SSPN: variants seen among roughly 807,000 people sequenced by gnomAD.
SSPN encodes K-ras oncogene-associated protein.
SSPN carries 15 observed loss-of-function variants against 19.1 expected under a neutral mutation model. The observed-to-expected ratio is 0.78, with a 90% CI of 0.52 to 1.21. The LOEUF (loss-of-function observed/expected upper bound fraction) is 1.21, where lower values mean the gene tolerates loss of function less well. Ranked by LOEUF, SSPN falls within the 50% of genes most tolerant of loss-of-function variation. The pLI, the probability that SSPN is intolerant of heterozygous loss-of-function variation, is 0.00. For missense variants in SSPN, 291 were observed against 314.0 expected (o/e 0.93, Z 0.55); for synonymous variants, 147 against 140.3 (o/e 1.05, Z -0.34).
intron 1 of SSPN, among the ~76,000 whole-genome samples, chr12:26,126,998 C>T (rs931993871): frequency 6.6e-6 from 1 of 152,124 alleles, no homozygotes; most frequent in African/African-American, 2.4e-5. Context: ...GCCCTAAAAG[C>T]GACCTATTCC....
At chr12:26,124,214 G>A (rs777330290) in intron 1 of SSPN, 1 of 1,392,740 alleles carries the variant, frequency 7.2e-7, no homozygotes, top group Admixed American at 1.7e-5. Flanking sequence ...AGAGAAAACA[G>A]TAAGCGAAAC....
chr12:26,195,460 G>A (rs572453304), upstream of SSPN: 11 of 856,296 alleles, frequency 1.3e-5, no homozygotes, highest in African/African-American at 1.6e-4. Flanking sequence ...CTGCGTCCCG[G>A]CGCGTTGGCA....
intron 1 of SSPN, among the ~76,000 whole-genome samples, chr12:26,165,311 A>G (rs1944613883): frequency 6.6e-6 from 1 of 152,218 alleles, no homozygotes; most frequent in Non-Finnish European, 1.5e-5. Flanking sequence ...TTCCTGGTTC[A>G]AGTTCTCTGG....
intron 1 of SSPN, among the ~76,000 whole-genome samples, chr12:26,206,729 T>C (rs1028617365): frequency 6.6e-6 from 1 of 152,232 alleles, no homozygotes. Flanking sequence ...CCACAAATAC[T>C]GTTTGTAACA....
At chr12:26,128,141 C>T (rs1182611051) in intron 1 of SSPN, among the ~76,000 whole-genome samples, 1 of 152,190 alleles carries the variant, frequency 6.6e-6, no homozygotes, top group Non-Finnish European at 1.5e-5. Context: ...TCTTACACCT[C>T]AATGTGAATA....
intron 1 of SSPN, among the ~76,000 whole-genome samples, chr12:26,208,029 G>A (rs1326960736): frequency 1.4e-5 from 2 of 139,226 alleles, no homozygotes; most frequent in African/African-American, 5.3e-5. Flanking sequence ...GGGGGGGGGG[G>A]ATATATAACA....
chr12:26,171,532 A>G (rs1180359818), intron 1 of SSPN, among the ~76,000 whole-genome samples: 2 of 152,228 alleles, frequency 1.3e-5, no homozygotes, highest in African/African-American at 4.8e-5. Context: ...TCTACTAAAC[A>G]CAATGAATAC....
At chr12:26,124,042 AG>A (rs950204724) in intron 1 of SSPN, 2 of 1,405,494 alleles carry the variant, frequency 1.4e-6, no homozygotes, top group African/African-American at 2.8e-5. Context: ...GCCCTTGGAG[AG>A]CAGCAAAGAA....
At chr12:26,174,475 G>GCTTCCTTCCTTCCTTC (rs763960839) in intron 1 of SSPN, among the ~76,000 whole-genome samples, 3 of 121,906 alleles carry the variant, frequency 2.5e-5, no homozygotes, top group African/African-American at 7.8e-5. Context: ...TGCTACCCAC[G>GCTTCCTTCCTTCCTTC]CTTCCTTCCT....
At chr12:26,142,319 T>C (rs541014891) in intron 1 of SSPN, among the ~76,000 whole-genome samples, 1 of 152,292 alleles carries the variant, frequency 6.6e-6, no homozygotes, top group African/African-American at 2.4e-5. Context: ...TGGGACGATA[T>C]GGCCATTTTC....
At chr12:26,132,665 GC>G (rs1565668294) in intron 1 of SSPN, among the ~76,000 whole-genome samples, 1 of 152,166 alleles carries the variant, frequency 6.6e-6, no homozygotes, top group Non-Finnish European at 1.5e-5. Flanking sequence ...TGGTGGGGAT[GC>G]CTGTTCAACA....
At chr12:26,145,490 C>A (rs1294632598) in intron 1 of SSPN, among the ~76,000 whole-genome samples, 1 of 152,176 alleles carries the variant, frequency 6.6e-6, no homozygotes, top group Non-Finnish European at 1.5e-5. Flanking sequence ...GGGCAGACAA[C>A]ACAGTGGTGT....
At chr12:26,173,649 A>G (rs567386458) in intron 1 of SSPN, among the ~76,000 whole-genome samples, 1 of 152,316 alleles carries the variant, frequency 6.6e-6, no homozygotes, top group Admixed American at 6.5e-5. Flanking sequence ...AGGCAAATAC[A>G]TATGTTCAAT....
intron 1 of SSPN, among the ~76,000 whole-genome samples, chr12:26,185,049 T>G (rs1944743960): frequency 6.6e-6 from 1 of 152,182 alleles, no homozygotes; most frequent in African/African-American, 2.4e-5. Context: ...TTAAATTATT[T>G]TAGATTTAAA....
intron 1 of SSPN, among the ~76,000 whole-genome samples, chr12:26,151,389 A>C (rs891812734): frequency 6.6e-6 from 1 of 152,206 alleles, no homozygotes; most frequent in Non-Finnish European, 1.5e-5. Flanking sequence ...CATAAAAAAA[A>C]AATCACATGC....
At chr12:26,169,834 T>G (rs988846605) in intron 1 of SSPN, among the ~76,000 whole-genome samples, 2 of 152,152 alleles carry the variant, frequency 1.3e-5, no homozygotes, top group African/African-American at 4.8e-5. Flanking sequence ...ATTTAGGTAG[T>G]TATGTGGAAG....
At chr12:26,204,947 G>A (rs1337935751) in intron 1 of SSPN, among the ~76,000 whole-genome samples, 2 of 152,232 alleles carry the variant, frequency 1.3e-5, no homozygotes, top group African/African-American at 2.4e-5. Flanking sequence ...CATATTTAAA[G>A]TTGATGCTCT....
chr12:26,193,178 T>C (rs1463188054), upstream of SSPN, among the ~76,000 whole-genome samples: 2 of 152,244 alleles, frequency 1.3e-5, no homozygotes, highest in African/African-American at 4.8e-5. Context: ...ATAATTAAAT[T>C]GTTTAAAATC....
chr12:26,141,711 C>A (rs748938011), intron 1 of SSPN, among the ~76,000 whole-genome samples: 11 of 152,148 alleles, frequency 7.2e-5, no homozygotes, highest in Non-Finnish European at 1.5e-4. Context: ...TACCTTCTTA[C>A]CAGACACATA....
Sources: allele counts gnomAD v4.1 joint callset (sites outside exome capture counted in the v4.1 genomes callset), GRCh38; gene constraint gnomAD v4.1.1; transcripts MANE v1.5; gene names NCBI Gene and HGNC (gene_info 2026-07-23, HGNC 2026-07-21).